The following HERC2 variants were observed in gnomAD, a reference collection of about 807,000 sequenced individuals.
The protein encoded by HERC2 is E3 ubiquitin-protein ligase HERC2.
Under a neutral mutation model 537.7 loss-of-function variants are expected in HERC2, and 102 were observed. The ratio of observed to expected loss-of-function variants is 0.19; its 90% CI spans 0.16 to 0.22. HERC2 has a LOEUF of 0.22. Among genes scored for constraint, HERC2 ranks in the 10% least tolerant of loss-of-function variants. HERC2 has a pLI of 1.00. For missense variants in HERC2, 4,236 were observed against 6,198.2 expected, an observed-to-expected ratio of 0.68 and a Z score of 10.63; for synonymous variants, 2,224 against 2,466.2, an observed-to-expected ratio of 0.90 and a Z score of 2.91.
At chr15:28,131,754 C>A (rs1890130436) in intron 81 of HERC2, among the ~76,000 whole-genome samples, 1 of 152,150 alleles carries the variant, frequency 6.6e-6, no homozygotes, top group Admixed American at 6.5e-5. Context: ...CAACTCCACA[C>A]CACTGTAAAC....
chr15:28,162,949 TA>T (rs1893764498), intron 69 of HERC2, 144 bp downstream of exon 69: 1 of 695,316 alleles, frequency 1.4e-6, no homozygotes, highest in Non-Finnish European at 2.4e-6. Context: ...CGTTTTGCTC[TA>T]AAGGAGTGCT....
rs758870824 is a variant in HERC2 at position 28,168,571 on chromosome 15, G to A, written c.10249C>T (p.Leu3417=). The part of the protein sequence containing the change: ...MYARDAVVGA[L]MPAAMIAPVE... ...GGGGCGATCATGGCGGCCGGCATCA[G>A]GGCCCCGACAACAGCATCTCTGTCA... Residue 3417 remains leucine, a synonymous_variant, in exon 67 of 93, where the codon CTG becomes TTG. Transcript: ENST00000261609. 6.2e-7 allele frequency: 1 copy of A among 1,613,994 alleles called. No homozygotes were observed. The highest frequency in any genetic ancestry group is 1.7e-5 in the Admixed American group (1 of 60,002).
intron 86 of HERC2, 29 bp from the exon 87 acceptor site, chr15:28,117,183 G>A (rs375047461): frequency 5.7e-5 from 92 of 1,611,312 alleles, no homozygotes; most frequent in Non-Finnish European, 7.5e-5. Context: ...GCAAGCGTGA[G>A]GCCGCTGCCG....
At chr15:28,251,062 C>G (rs1291906150) in intron 20 of HERC2, among the ~76,000 whole-genome samples, 1 of 152,306 alleles carries the variant, frequency 6.6e-6, no homozygotes, top group East Asian at 1.9e-4. Flanking sequence ...GATGAAGACA[C>G]AGGAGACAAC....
chr15:28,147,485 A>G (rs1403026922), intron 70 of HERC2, among the ~76,000 whole-genome samples: 1 of 150,964 alleles, frequency 6.6e-6, no homozygotes, highest in Non-Finnish European at 1.5e-5. Flanking sequence ...TTTAAAATAT[A>G]AAATTTTAAA....
At chr15:28,262,293 A>C (rs2075435764) in intron 15 of HERC2, among the ~76,000 whole-genome samples, 1 of 152,082 alleles carries the variant, frequency 6.6e-6, no homozygotes, top group Non-Finnish European at 1.5e-5. Context: ...GCAGCATAAC[A>C]TCCCTAGTAA....
At chr15:28,236,719 C>G (rs1322787410) in intron 26 of HERC2, among the ~76,000 whole-genome samples, 2 of 152,148 alleles carry the variant, frequency 1.3e-5, no homozygotes, top group Non-Finnish European at 2.9e-5. Flanking sequence ...TCCTGAGTAT[C>G]TGGGACTACA....
At chr15:28,255,558 A>G (rs1359740362) in intron 19 of HERC2, among the ~76,000 whole-genome samples, 1 of 152,162 alleles carries the variant, frequency 6.6e-6, no homozygotes, top group African/African-American at 2.4e-5. Context: ...AAATGAATCT[A>G]ATCTCAGGGC....
chr15:28,254,511 T>C lies in HERC2; in HGVS notation c.2879A>G (p.Glu960Gly). The change falls in exon 20 of 93, where the codon GAA (glutamate) becomes GGA (glycine). Residue 960 changes from glutamate (E) to glycine (G), a missense_variant. Glu to Gly is a moderately conservative substitution (Grantham distance 98). Coordinates refer to ENST00000261609, the MANE Select transcript of HERC2 (RefSeq NM_004667.6). ...TTCCTTCTGTGCTTCTTTTTTGGCT[T>C]CAATATCCTGTAATTCATAAAAAGA... Reference protein sequence around the residue: ...AAITAEIQDIEAKKEAQKEKE... With the variant: ...AAITAEIQDIGAKKEAQKEKE... 2 of 1,588,308 alleles carry C rather than the reference T, an allele frequency of 1.3e-6. No homozygotes were observed. Among genetic ancestry groups the C allele is most frequent in the Non-Finnish European group, 1.7e-6 (2 of 1,171,300 alleles).
chr15:28,257,874 C>G (rs760378215), intron 16 of HERC2, among the ~76,000 whole-genome samples: 25 of 150,920 alleles, frequency 1.7e-4, no homozygotes, highest in Admixed American at 4.6e-4. Context: ...TCAGTAGAGA[C>G]AGGGTTTCAT....
intron 79 of HERC2, among the ~76,000 whole-genome samples, chr15:28,134,863 G>C (rs1192941474): frequency 6.6e-5 from 10 of 151,800 alleles, no homozygotes; most frequent in Admixed American, 6.6e-4. Flanking sequence ...TGTAGAAATG[G>C]GGTTTCATCA....
At chr15:28,226,686 A>G (rs944754972) in intron 35 of HERC2, among the ~76,000 whole-genome samples, 13 of 151,696 alleles carry the variant, frequency 8.6e-5, no homozygotes, top group Admixed American at 3.9e-4. Flanking sequence ...TCAACCTTGT[A>G]TTTGGAAATG....
At chr15:28,280,730 C>A (rs1415107015) in intron 4 of HERC2, among the ~76,000 whole-genome samples, 2 of 152,142 alleles carry the variant, frequency 1.3e-5, no homozygotes, top group East Asian at 1.9e-4. Flanking sequence ...CATGGTGAAA[C>A]CCCTTCTCTA....
intron 69 of HERC2, among the ~76,000 whole-genome samples, chr15:28,161,155 T>C (rs1466965074): frequency 6.6e-6 from 1 of 152,242 alleles, no homozygotes; most frequent in African/African-American, 2.4e-5. Flanking sequence ...TTAAGTACTT[T>C]ATCGTTTTGG....
Position 28,198,461 on chromosome 15 carries a change from T to C in HERC2, c.7928A>G (p.Asp2643Gly). The change falls in exon 50 of 93, where the codon GAT (aspartate) becomes GGT (glycine). Residue 2643 changes from aspartate (D) to glycine (G), a missense_variant. Coordinates refer to ENST00000261609, the MANE Select transcript of HERC2 (RefSeq NM_004667.6). The stretch of plus-strand genomic sequence containing the variant: ...GACAGAGGCTTTGACCCGCACTTTA[T>C]CACCAATCTTGATGTGAGAAGAAGA... ...PSSSSHIKIG[D>G]KVRVKASVTT... 8.1e-6 allele frequency: 13 copies of C among 1,614,026 alleles called. No individual in the cohort carries two copies. Among genetic ancestry groups the C allele is most frequent in the African/African-American group, 1.3e-5 (1 of 75,044 alleles).
chr15:28,150,261 C>T (rs1892293908), intron 70 of HERC2, among the ~76,000 whole-genome samples: 1 of 151,606 alleles, frequency 6.6e-6, no homozygotes, highest in Non-Finnish European at 1.5e-5. Context: ...CGAAGAAACA[C>T]ACGCGGCTTC....
intron 35 of HERC2, among the ~76,000 whole-genome samples, chr15:28,227,645 G>A (rs1457345066): frequency 6.6e-6 from 1 of 152,024 alleles, no homozygotes; most frequent in Non-Finnish European, 1.5e-5. Flanking sequence ...CCAGTCCTAG[G>A]TGTATAATCA....
intron 71 of HERC2, among the ~76,000 whole-genome samples, chr15:28,145,331 C>T (rs1370533830): frequency 1.3e-5 from 2 of 152,190 alleles, no homozygotes; most frequent in African/African-American, 4.8e-5. Flanking sequence ...GTGTACTACA[C>T]CTAAGATCTA....
chr15:28,191,156 G>C lies in HERC2; in HGVS notation c.8540C>G (p.Ser2847Cys). 1.2e-6 allele frequency: 2 copies of C among 1,612,272 alleles called. No individual in the cohort carries two copies. Among genetic ancestry groups the C allele is most frequent in the Non-Finnish European group, 1.7e-6 (2 of 1,178,426 alleles). The stretch of plus-strand genomic sequence containing the variant: ...TGAATTACCTGACACTACAACCAGG[G>C]ACGGCATGTAGCTACTGTCAGCAGG... ...VDPADSSYMP[S>C]LVVVSGGNSL... The change falls in exon 54 of 93, where the codon TCC becomes TGC. Residue 2847 changes from serine to cysteine, a missense_variant. By Grantham distance (112) the Ser-to-Cys change is moderately radical. Coordinates refer to ENST00000261609, the MANE Select transcript of HERC2 (RefSeq NM_004667.6).
Sources: allele counts gnomAD v4.1 joint callset (sites outside exome capture counted in the v4.1 genomes callset), GRCh38; gene constraint gnomAD v4.1.1; transcripts MANE v1.5; gene names NCBI Gene and HGNC (gene_info 2026-07-23, HGNC 2026-07-21).